LRP3: variants seen among roughly 807,000 people sequenced by gnomAD.
LRP3 encodes low-density lipoprotein receptor-related protein 3.
A neutral mutation model predicts 58.5 loss-of-function variants in LRP3; 49 were observed. That is an observed-to-expected ratio of 0.84 (90% CI 0.67 to 1.06). LRP3 has a LOEUF of 1.06. Ranked by LOEUF, LRP3 falls within the 50% of genes least tolerant of loss-of-function variation. LRP3 has a pLI of 0.00. For missense variants in LRP3, 1,019 were observed against 1,134.2 expected (o/e 0.90, Z 1.46); for synonymous variants, 485 against 492.2 (o/e 0.99, Z 0.20).
In LRP3 at chr19:33,206,701, G is replaced by A. The variant is rs1429065035; in HGVS notation, c.1693G>A (p.Val565Met). Reference sequence around the variant, plus strand: ...CATCGCCCAGGGCCTCATTCCACCCGTGGAGGACTTTCCTGTCTACAGTGC... The same window carrying A: ...CATCGCCCAGGGCCTCATTCCACCCATGGAGGACTTTCCTGTCTACAGTGC... ...QLIAQGLIPP[V>M]EDFPVYSASQ... Residue 565 changes from valine (V) to methionine (M), a missense_variant, in exon 6 of 7, where the codon GTG becomes ATG. Physicochemically the swap from Val to Met is conservative, Grantham distance 21 (BLOSUM62 1). This residue lies in a region of LRP3 where 427 missense variants were observed against 408.6 expected (regional missense o/e 1.04). Transcript: ENST00000253193. 2.6e-6 allele frequency: 4 copies of A among 1,541,136 alleles called. No homozygotes were observed. The highest frequency in any genetic ancestry group is 2.3e-5 in the East Asian group (1 of 44,242).
chr19:33,203,125 G>A, intron 3 of LRP3, 139 bp downstream of exon 3: 1 of 1,086,430 alleles, frequency 9.2e-7, no homozygotes, highest in East Asian at 2.6e-5. Flanking sequence ...GGGATCATGT[G>A]CATGTGTGTG....
In LRP3 at chr19:33,207,409, C is replaced by T; in HGVS notation, c.2147C>T (p.Ala716Val). The stretch of plus-strand genomic sequence containing the variant: ...GTAGACGGCCCAGCTCCTGCAGATG[C>T]ACCTCGGGAGCCCTGCTCAGCCCAG... ...PLVDGPAPAD[A>V]PREPCSAQDP... Residue 716 changes from alanine (A) to valine (V), a missense_variant, in exon 7 of 7, where the codon GCA (alanine) becomes GTA (valine). By Grantham distance (64) the Ala-to-Val change is moderately conservative (BLOSUM62 0). Transcript: ENST00000253193. 6.3e-7 allele frequency: 1 copy of T among 1,589,916 alleles called. No homozygotes were observed. The highest frequency in any genetic ancestry group is 8.5e-7 in the Non-Finnish European group (1 of 1,173,300).
chr19:33,201,918 T>G (rs981991923), intron 2 of LRP3, among the ~76,000 whole-genome samples: 1 of 152,186 alleles, frequency 6.6e-6, no homozygotes, highest in Non-Finnish European at 1.5e-5. Flanking sequence ...GGGCTGGGCA[T>G]GGAGGGCTCC....
chr19:33,204,625 C>T lies in LRP3; in HGVS notation c.261-13C>T, dbSNP rs748509902. On this transcript the variant is annotated splice_polypyrimidine_tract_variant and intron_variant, in intron 3 of 6. Coordinates refer to ENST00000253193, the MANE Select transcript of LRP3 (RefSeq NM_002333.4). ...TACTGCCTCATGTCTGGGTCCTCTC[C>T]GCCCCCCCGCAGCTTCCGCAACTTT... 10 of 1,589,412 alleles carry T rather than the reference C, an allele frequency of 6.3e-6. No individual in the cohort carries two copies. Among genetic ancestry groups the T allele is most frequent in the Admixed American group, 5.0e-5 (3 of 59,806 alleles).
chr19:33,200,131 G>T (rs546109531), intron 2 of LRP3, among the ~76,000 whole-genome samples: 1 of 152,232 alleles, frequency 6.6e-6, no homozygotes, highest in South Asian at 2.1e-4. Context: ...GATGCAATGT[G>T]GGGGACCATA....
chr19:33,203,327 T>C (rs112254785), intron 3 of LRP3, among the ~76,000 whole-genome samples: 1 of 140,946 alleles, frequency 7.1e-6, no homozygotes, highest in Admixed American at 6.8e-5. Flanking sequence ...TGTGCATATG[T>C]GTGTGTGTGC....
In LRP3 at chr19:33,208,676, C is replaced by G; in HGVS notation, c.*1101C>G. 1 of 632,744 alleles carries G rather than the reference C, an allele frequency of 1.6e-6. No homozygotes were observed. The highest frequency in any genetic ancestry group is 2.7e-6 in the Non-Finnish European group (1 of 369,120). 39.2% of individuals were successfully genotyped at this position (632,744 alleles called of 1,614,324 possible). A position where few individuals can be genotyped will look rare whatever the true frequency, so the allele number is the denominator to read the frequency against. On this transcript the variant is annotated 3_prime_UTR_variant, in exon 7 of 7. Transcript: ENST00000253193. The surrounding 1 kb of genome is among the most constrained non-coding windows in gnomAD (Gnocchi z 4.7). ...CCATAGCACGAGCGAACAGCCAGCC[C>G]TGTTTATTTATAGGCCTTTTCAGGA... is the stretch of plus-strand genomic sequence containing the variant.
At position 33,196,911 on chromosome 19, in the gene LRP3, G is replaced by GT. The variant is rs145217221; in HGVS notation, c.121+137dup. 2.3e-3 allele frequency: 1,922 copies of GT among 828,186 alleles called. 23 individuals are homozygous for GT. In the African/African-American group the frequency reaches 0.029, roughly 13 times the overall value. 51.3% of individuals were successfully genotyped at this position (828,186 alleles called of 1,614,324 possible). A position where few individuals can be genotyped will look rare whatever the true frequency, so the allele number is the denominator to read the frequency against. On this transcript the variant is annotated intron_variant, in intron 2 of 6. Coordinates refer to ENST00000253193, the MANE Select transcript of LRP3 (RefSeq NM_002333.4). Reference sequence around the variant, plus strand: ...ATCTTTTCTACATCACAAAGGAGCTGTTTGGCTTTGGACAGGCTTCAACTT... The same window carrying GT: ...ATCTTTTCTACATCACAAAGGAGCTGTTTTGGCTTTGGACAGGCTTCAACTT...
At position 33,206,103 on chromosome 19, in the gene LRP3, G is replaced by A. The variant is rs752353567; in HGVS notation, c.1333G>A (p.Asp445Asn). ...CTGCAACAACCAGAAAAGCTGTCCC[G>A]ACGGCGCCGACGAGAAGAACTGCTT... ...DRCNNQKSCP[D>N]GADEKNCFSC... Residue 445 changes from aspartate (D) to asparagine (N), a missense_variant, in exon 5 of 7, where the codon GAC (aspartate) becomes AAC (asparagine). Physicochemically the swap from Asp to Asn is conservative, Grantham distance 23 (BLOSUM62 1). Coordinates refer to ENST00000253193, the MANE Select transcript of LRP3 (RefSeq NM_002333.4). 17 of 1,609,368 alleles carry A rather than the reference G, an allele frequency of 1.1e-5. No homozygotes were observed. Among genetic ancestry groups the A allele is most frequent in the Admixed American group, 3.3e-5 (2 of 59,730 alleles).
At chr19:33,204,397 C>T in intron 3 of LRP3, 1 of 565,176 alleles carries the variant, frequency 1.8e-6, no homozygotes, top group East Asian at 2.9e-5. Context: ...TGGAAATGAC[C>T]TGCGTGGATG....
Position 33,207,051 on chromosome 19 carries a change from CG to C in LRP3, c.1794del (p.Ser600ProfsTer26). 2.7e-6 allele frequency: 4 copies of C among 1,486,906 alleles called. No individual in the cohort carries two copies. The highest frequency in any genetic ancestry group is 2.5e-5 in the Admixed American group (1 of 39,300). 92.1% of individuals were successfully genotyped at this position (1,486,906 alleles called of 1,614,324 possible). On this transcript the variant is annotated frameshift_variant, in exon 7 of 7. Coordinates refer to ENST00000253193, the MANE Select transcript of LRP3 (RefSeq NM_002333.4). LOFTEE classifies it low-confidence loss of function (END_TRUNC). ...ACAGATGCGTCGGCACGCCTCCCGC[CG>C]GGGGCCCTCCCGCCGCCGCCTCGGC... ...RRQMRRHASR[R>X]GPSRRRLGRL...
At chr19:33,206,513 G>A in intron 5 of LRP3, 88 bp from the exon 6 acceptor site, 1 of 1,586,946 alleles carries the variant, frequency 6.3e-7, no homozygotes, top group Non-Finnish European at 8.6e-7. Flanking sequence ...GGGGTGTCTG[G>A]GTGGAGGGTC....
Position 33,208,186 on chromosome 19 carries a change from CAA to C in LRP3, c.*613_*614del, listed in dbSNP as rs1232116875. The stretch of plus-strand genomic sequence containing the variant: ...AGCCCCTGGAGTTCCCTGCAGGCCT[CAA>C]AGCCCCCAGGACATGCTGCTCTGTG... On this transcript the variant is annotated 3_prime_UTR_variant, in exon 7 of 7. Coordinates refer to ENST00000253193, the MANE Select transcript of LRP3 (RefSeq NM_002333.4). The surrounding 1 kb of genome is among the most constrained non-coding windows in gnomAD (Gnocchi z 4.7). 2 of 160,228 alleles carry C rather than the reference CAA, an allele frequency of 1.2e-5. No homozygotes were observed. Among genetic ancestry groups the C allele is most frequent in the African/African-American group, 4.8e-5 (2 of 41,448 alleles). The allele number at this position is 160,228 out of a possible 1,614,324, so 9.9% of individuals were successfully genotyped here.
chr19:33,206,785 C>T (rs563607471), intron 6 of LRP3, 52 bp downstream of exon 6: 153 of 1,483,396 alleles, frequency 1.0e-4, no homozygotes, highest in Admixed American at 2.4e-4. Flanking sequence ...GGACAGTGTG[C>T]GGAGGAGGCT....
At position 33,196,213 on chromosome 19, in the gene LRP3, G is replaced by C. The variant is rs976566524; in HGVS notation, c.74-517G>C. Among the ~76,000 whole-genome samples the C allele has an allele frequency of 3.3e-5, 5 of 152,268 alleles. No individual in the cohort carries two copies. In the South Asian group the frequency reaches 8.3e-4, roughly 25 times the overall value. On this transcript the variant is annotated intron_variant, in intron 1 of 6. Transcript: ENST00000253193. The stretch of plus-strand genomic sequence containing the variant: ...AACTGCCTCCCCTCCTGCCTCTGCT[G>C]CTGCTGGGCGAGCAAAGCCCCTTGG...
rs939062574 is a variant in LRP3, at chr19:33,207,102, C to T, written c.1840C>T (p.Arg614Trp). The stretch of plus-strand genomic sequence containing the variant: ...CCGCCTCTGGAACCGGCTCTTTCAC[C>T]GGCCGCGGGCGCCCCGAGGCCAGAT... ...LGRLWNRLFH[R>W]PRAPRGQIPL... The change falls in exon 7 of 7, where the codon CGG (arginine) becomes TGG (tryptophan). Residue 614 changes from arginine (R) to tryptophan (W), a missense_variant. By Grantham distance (101) the Arg-to-Trp change is moderately radical. Coordinates refer to ENST00000253193, the MANE Select transcript of LRP3 (RefSeq NM_002333.4). The T allele has an allele frequency of 1.1e-5, 17 of 1,524,438 alleles. No homozygotes were observed. In the Admixed American group the frequency reaches 1.3e-4, roughly 12 times the overall value. 94.4% of individuals were successfully genotyped at this position (1,524,438 alleles called of 1,614,324 possible).
At chr19:33,196,827 T>C (rs1301156570) in intron 2 of LRP3, 50 bp downstream of exon 2, 12 of 1,573,182 alleles carry the variant, frequency 7.6e-6, no homozygotes, top group Non-Finnish European at 9.6e-6. Flanking sequence ...CCCTTTTGGG[T>C]GAGTGGTCCC....
intron 2 of LRP3, among the ~76,000 whole-genome samples, chr19:33,197,787 C>A (rs548415090): frequency 4.6e-5 from 7 of 152,288 alleles, no homozygotes; most frequent in African/African-American, 1.4e-4. Flanking sequence ...CCGGAGCTGT[C>A]AGGCAGCGGG....
chr19:33,202,965 G>A lies in LRP3; in HGVS notation c.239G>A (p.Arg80His), dbSNP rs749462829. Residue 80 changes from arginine to histidine, a missense_variant, in exon 3 of 7, where the codon CGT (arginine) becomes CAT (histidine). By Grantham distance (29) the Arg-to-His change is conservative (BLOSUM62 0). This residue lies in a region of LRP3 where 592 missense variants were observed against 725.5 expected (regional missense o/e 0.82). Transcript: ENST00000253193. ...TNCSWYIQGD[R>H]GDMITISFRN... ...TGCAGCTGGTACATCCAGGGCGACC[G>A]TGGTGACATGATTACCATCAGGTAG... The A allele has an allele frequency of 4.1e-5, 66 of 1,613,096 alleles. No individual in the cohort carries two copies. The highest frequency in any genetic ancestry group is 4.7e-5 in the Non-Finnish European group (56 of 1,179,774).
Sources: gnomAD v4.1 joint callset for allele counts (sites outside exome capture counted in the v4.1 genomes callset) on GRCh38, gnomAD v4.1.1 for gene constraint, gnomAD v4.1.1 regional missense constraint, Gnocchi (gnomAD v3.1) non-coding constraint, MANE v1.5 for transcripts, NCBI Gene and HGNC (gene_info 2026-07-23, HGNC 2026-07-21) for gene names.